Variants in KCNQ5 observed in about 807,000 individuals in gnomAD.
The protein encoded by KCNQ5 is potassium voltage-gated channel subfamily KQT member 5.
A neutral mutation model predicts 98.2 loss-of-function variants in KCNQ5; 30 were observed. That is an observed-to-expected ratio of 0.31 (90% CI 0.23 to 0.41). The LOEUF (loss-of-function observed/expected upper bound fraction) is 0.41. Among genes scored for constraint, KCNQ5 ranks in the 10% least tolerant of loss-of-function variants. The probability of loss-of-function intolerance (pLI) is 1.00; values close to 1 mark genes in which losing one functional copy is unlikely to be tolerated. For synonymous variants in KCNQ5, 458 were observed against 449.4 expected (o/e 1.02, Z -0.24); for missense variants, 835 against 1,182.5 (o/e 0.71, Z 4.31).
At chr6:72,713,720 G>A (rs1769491506) in intron 1 of KCNQ5, among the ~76,000 whole-genome samples, 1 of 152,176 alleles carries the variant, frequency 6.6e-6, no homozygotes, top group African/African-American at 2.4e-5. Context: ...CCCACAGAGG[G>A]TTCTTTGTCT....
In KCNQ5 at chr6:72,775,161, A is replaced by G. The variant is rs538125654; in HGVS notation, c.398+152574A>G. The stretch of plus-strand genomic sequence containing the variant: ...CCTACAACTATACATATGGAAAGAC[A>G]CTGTGATATATTTACATAATATGCA... On this transcript the variant is annotated intron_variant, in intron 1 of 13. Coordinates refer to ENST00000370398, the MANE Select transcript of KCNQ5 (RefSeq NM_019842.4). 7.9e-5 allele frequency among the ~76,000 whole-genome samples: 12 copies of G among 152,322 alleles called. No homozygotes were observed. In the South Asian group the frequency reaches 1.0e-3, roughly 13 times the overall value.
At chr6:73,003,262 T>G (rs1769669557) in intron 1 of KCNQ5, among the ~76,000 whole-genome samples, 1 of 152,176 alleles carries the variant, frequency 6.6e-6, no homozygotes, top group African/African-American at 2.4e-5. Context: ...TATATATGAA[T>G]AGACAGAGCT....
chr6:73,093,440 C>T (rs1425405812), intron 5 of KCNQ5, among the ~76,000 whole-genome samples: 1 of 151,990 alleles, frequency 6.6e-6, no homozygotes, highest in African/African-American at 2.4e-5. Context: ...TTCCTTTCTT[C>T]TGCTGGGTCT....
At chr6:73,055,318 G>A (rs1449519019) in intron 3 of KCNQ5, 4 of 1,411,752 alleles carry the variant, frequency 2.8e-6, no homozygotes, top group Non-Finnish European at 4.0e-6. Flanking sequence ...TTGATCAGAT[G>A]TAGCTGCCAA....
At chr6:73,056,401 T>A (rs1421507171) in intron 3 of KCNQ5, among the ~76,000 whole-genome samples, 10 of 147,544 alleles carry the variant, frequency 6.8e-5, no homozygotes, top group Non-Finnish European at 1.2e-4. Flanking sequence ...TACTTTTATT[T>A]AAAAAAAAAA....
At chr6:72,761,535 C>T (rs1424464384) in intron 1 of KCNQ5, among the ~76,000 whole-genome samples, 2 of 151,644 alleles carry the variant, frequency 1.3e-5, no homozygotes, top group East Asian at 3.9e-4. Context: ...ACCTACTAAA[C>T]ACTTCCATGT....
At chr6:72,860,728 C>A (rs761071064) in intron 1 of KCNQ5, among the ~76,000 whole-genome samples, 27 of 152,068 alleles carry the variant, frequency 1.8e-4, no homozygotes, top group Non-Finnish European at 3.8e-4. Flanking sequence ...CCTTCCAAAG[C>A]ATTACTGTAT....
At chr6:72,667,425 AG>A (rs1289904267) in intron 1 of KCNQ5, among the ~76,000 whole-genome samples, 2 of 152,168 alleles carry the variant, frequency 1.3e-5, no homozygotes, top group Non-Finnish European at 1.5e-5. Context: ...GAAAGCTGAC[AG>A]TTCAGGAATA....
At chr6:72,806,018 G>A (rs550829514) in intron 1 of KCNQ5, among the ~76,000 whole-genome samples, 10 of 152,190 alleles carry the variant, frequency 6.6e-5, no homozygotes, top group South Asian at 2.1e-4. Context: ...CATGGTGCCC[G>A]AAATCTGCTG....
At chr6:73,156,019 G>C (rs1777348605) in intron 10 of KCNQ5, among the ~76,000 whole-genome samples, 1 of 152,162 alleles carries the variant, frequency 6.6e-6, no homozygotes, top group Non-Finnish European at 1.5e-5. Context: ...TTGTGCTACT[G>C]CATCAGGGCC....
At chr6:72,844,546 T>C (rs577636761) in intron 1 of KCNQ5, among the ~76,000 whole-genome samples, 5 of 152,320 alleles carry the variant, frequency 3.3e-5, no homozygotes, top group African/African-American at 1.2e-4. Flanking sequence ...TATCACCCTT[T>C]ATTTTCTATT....
intron 3 of KCNQ5, among the ~76,000 whole-genome samples, chr6:73,076,468 G>A (rs1180022304): frequency 2.0e-5 from 3 of 152,146 alleles, no homozygotes; most frequent in African/African-American, 7.2e-5. Flanking sequence ...TCACTCAGAT[G>A]TTTACTTATG....
chr6:72,626,993 T>C (rs1010162280), intron 1 of KCNQ5, among the ~76,000 whole-genome samples: 4 of 152,224 alleles, frequency 2.6e-5, no homozygotes, highest in African/African-American at 7.2e-5. Flanking sequence ...GTGAATATAA[T>C]GGGTTCGGAT....
At chr6:72,762,747 T>C (rs2154477097) in intron 1 of KCNQ5, among the ~76,000 whole-genome samples, 1 of 152,206 alleles carries the variant, frequency 6.6e-6, no homozygotes, top group Admixed American at 6.6e-5. Flanking sequence ...AATACTTATA[T>C]ATTGTTTGCT....
rs866656776 is a variant in KCNQ5 at position 72,658,576 on chromosome 6, A to T, written c.398+35989A>T. Among the ~76,000 whole-genome samples, 364 of 92,338 alleles carry T rather than the reference A, an allele frequency of 3.9e-3. 1 individual carries two copies. Among genetic ancestry groups the T allele is most frequent in the South Asian group, 0.024 (61 of 2,536 alleles). The allele number at this position is 92,338 out of a possible 152,430, so 60.6% of individuals were successfully genotyped here. Reference sequence around the variant, plus strand: ...GATTAAAGGATATATATATATATATATATTTTTTTTTTTTTTTTTTTTGAG... The same window carrying T: ...GATTAAAGGATATATATATATATATTTATTTTTTTTTTTTTTTTTTTTGAG... On this transcript the variant is annotated intron_variant, in intron 1 of 13. Transcript: ENST00000370398.
chr6:72,896,591 G>A (rs1779261568), intron 1 of KCNQ5, among the ~76,000 whole-genome samples: 1 of 152,136 alleles, frequency 6.6e-6, no homozygotes. Context: ...ACAGTAAGAA[G>A]CACTAAAAAC....
intron 2 of KCNQ5, among the ~76,000 whole-genome samples, chr6:73,028,927 C>G (rs1282458406): frequency 2.0e-5 from 3 of 152,120 alleles, no homozygotes; most frequent in Non-Finnish European, 4.4e-5. Context: ...AGGAGGGTTT[C>G]AAGTTACTGT....
intron 1 of KCNQ5, among the ~76,000 whole-genome samples, chr6:72,694,836 T>A (rs1768401956): frequency 6.6e-6 from 1 of 152,196 alleles, no homozygotes; most frequent in Non-Finnish European, 1.5e-5. Context: ...CTGAGCATAG[T>A]ACCCAACAGT....
intron 1 of KCNQ5, among the ~76,000 whole-genome samples, chr6:72,655,901 A>C (rs942968342): frequency 6.6e-6 from 1 of 152,304 alleles, no homozygotes; most frequent in Middle Eastern, 3.4e-3. Flanking sequence ...GCAGTTAATG[A>C]AAGTCTGAAC....
Sources: gnomAD v4.1 joint callset for allele counts (sites outside exome capture counted in the v4.1 genomes callset) on GRCh38, gnomAD v4.1.1 for gene constraint, MANE v1.5 for transcripts, NCBI Gene and HGNC (gene_info 2026-07-23, HGNC 2026-07-21) for gene names.